Variants in CDK6 observed in about 807,000 individuals in gnomAD.
The protein encoded by CDK6 is cyclin dependent kinase 6, also known as cyclin-dependent kinase 6.
CDK6 carries 6 observed loss-of-function variants against 37.1 expected under a neutral mutation model. The observed-to-expected ratio is 0.16, with a 90% confidence interval of 0.09 to 0.32. The LOEUF is 0.32. CDK6 is among the 10% of genes least tolerant of loss of function. The probability of loss-of-function intolerance (pLI) is 1.00; values close to 1 mark genes in which losing one functional copy is unlikely to be tolerated. For missense variants in CDK6, 224 were observed against 418.9 expected (o/e 0.53, Z 4.06); for synonymous variants, 160 against 161.3 (o/e 0.99, Z 0.06).
chr7:92,714,271 A>C (rs754988154), intron 4 of CDK6, among the ~76,000 whole-genome samples: 19 of 152,320 alleles, frequency 1.2e-4, no homozygotes, highest in East Asian at 1.9e-4. Flanking sequence ...GGAATGGGAA[A>C]GGCAATCTAA....
At chr7:92,667,490 G>A (rs1214901428) in intron 5 of CDK6, among the ~76,000 whole-genome samples, 4 of 151,984 alleles carry the variant, frequency 2.6e-5, no homozygotes, top group Admixed American at 1.3e-4. Context: ...CACTGCATCT[G>A]GCTTGCTTGT....
chr7:92,678,125 C>T (rs2116617836), intron 4 of CDK6, among the ~76,000 whole-genome samples: 1 of 152,116 alleles, frequency 6.6e-6, no homozygotes, highest in East Asian at 1.9e-4. Flanking sequence ...ATCAATTCTA[C>T]CAGAAGTTCT....
chr7:92,737,770 G>C (rs1352459212), intron 3 of CDK6, among the ~76,000 whole-genome samples: 1 of 152,100 alleles, frequency 6.6e-6, no homozygotes, highest in Non-Finnish European at 1.5e-5. Context: ...ATACAGAGAG[G>C]GGGAGAGGAG....
At chr7:92,824,415 G>C (rs1241412584) in intron 2 of CDK6, among the ~76,000 whole-genome samples, 1 of 152,054 alleles carries the variant, frequency 6.6e-6, no homozygotes, top group Non-Finnish European at 1.5e-5. Context: ...GGGTTAATTT[G>C]AATAGTCAAA....
At position 92,605,951 on chromosome 7, in the gene CDK6, C is replaced by T. The variant is rs1795418145; in HGVS notation, c.*9189G>A. Reference sequence around the variant, plus strand: ...CCAACATTCTTATAAGACTGTGTCCCAGGCAGTGAATTTCCACACTGCTTC... The same window carrying T: ...CCAACATTCTTATAAGACTGTGTCCTAGGCAGTGAATTTCCACACTGCTTC... On this transcript the variant is annotated 3_prime_UTR_variant, in exon 8 of 8. Coordinates refer to ENST00000424848, the MANE Select transcript of CDK6 (RefSeq NM_001145306.2). 4.3e-6 allele frequency: 1 copy of T among 233,560 alleles called. No homozygotes were observed. Among genetic ancestry groups the T allele is most frequent in the Non-Finnish European group, 8.5e-6 (1 of 118,030 alleles). The allele number at this position is 233,560 out of a possible 1,614,324, so 14.5% of individuals were successfully genotyped here.
chr7:92,750,895 C>A (rs983556107), intron 3 of CDK6, among the ~76,000 whole-genome samples: 1 of 152,190 alleles, frequency 6.6e-6, no homozygotes, highest in Non-Finnish European at 1.5e-5. Context: ...GAGTTTTCAA[C>A]AGCTAATAAG....
intron 2 of CDK6, among the ~76,000 whole-genome samples, chr7:92,819,978 G>A (rs1801131859): frequency 1.3e-5 from 2 of 151,734 alleles, no homozygotes; most frequent in Admixed American, 6.6e-5. Flanking sequence ...TGATGAAGAA[G>A]CAGCCATTAA....
intron 5 of CDK6, among the ~76,000 whole-genome samples, chr7:92,634,791 G>A (rs1244851397): frequency 6.6e-6 from 1 of 152,018 alleles, no homozygotes; most frequent in African/African-American, 2.4e-5. Context: ...TTTATACTGG[G>A]AATGAGATGG....
chr7:92,701,709 A>C (rs1426656353), intron 4 of CDK6: 1 of 152,408 alleles, frequency 6.6e-6, no homozygotes, highest in African/African-American at 2.4e-5. Context: ...CCAGCCAAAA[A>C]AAATATGGAA....
intron 4 of CDK6, among the ~76,000 whole-genome samples, chr7:92,699,216 T>C (rs1296280996): frequency 6.6e-6 from 1 of 152,160 alleles, no homozygotes; most frequent in African/African-American, 2.4e-5. Flanking sequence ...GCTTTCACAT[T>C]TTAGGATCCC....
intron 5 of CDK6, among the ~76,000 whole-genome samples, chr7:92,625,015 G>C (rs1795893148): frequency 6.6e-6 from 1 of 151,846 alleles, no homozygotes; most frequent in Admixed American, 6.6e-5. Context: ...TTTGGCGATG[G>C]ACTGTCCTGG....
chr7:92,716,154 T>A (rs1317235162), intron 4 of CDK6, among the ~76,000 whole-genome samples: 4 of 152,158 alleles, frequency 2.6e-5, no homozygotes, highest in Admixed American at 2.6e-4. Context: ...ATGCTTATAA[T>A]TGATGATGCA....
At chr7:92,657,370 C>A (rs909826126) in intron 5 of CDK6, among the ~76,000 whole-genome samples, 2 of 152,138 alleles carry the variant, frequency 1.3e-5, no homozygotes, top group Non-Finnish European at 2.9e-5. Context: ...AGTAATGATG[C>A]ATGAGCACTG....
At chr7:92,809,639 T>C (rs904450559) in intron 2 of CDK6, among the ~76,000 whole-genome samples, 1 of 152,216 alleles carries the variant, frequency 6.6e-6, no homozygotes, top group Non-Finnish European at 1.5e-5. Flanking sequence ...GTATATTTAT[T>C]TATAGTCCAG....
intron 4 of CDK6, chr7:92,710,916 A>G (rs1798074140): frequency 1.1e-6 from 1 of 945,586 alleles, no homozygotes; most frequent in African/African-American, 1.8e-5. Context: ...AACATGCTGG[A>G]TGCTTTATTA....
intron 3 of CDK6, among the ~76,000 whole-genome samples, chr7:92,770,320 T>C (rs1034753142): frequency 2.4e-5 from 3 of 123,124 alleles, no homozygotes; most frequent in East Asian, 2.2e-4. Flanking sequence ...CTATGTATGC[T>C]TTTTTTTTTT....
At chr7:92,757,134 A>G (rs144723968) in intron 3 of CDK6, among the ~76,000 whole-genome samples, 13 of 152,338 alleles carry the variant, frequency 8.5e-5, no homozygotes, top group Middle Eastern at 3.4e-3. Flanking sequence ...TTCTGATAAC[A>G]AAGTACTGTA....
intron 5 of CDK6, among the ~76,000 whole-genome samples, chr7:92,654,535 T>C (rs1796646522): frequency 6.6e-6 from 1 of 152,202 alleles, no homozygotes; most frequent in Non-Finnish European, 1.5e-5. Context: ...CTTCTAATAT[T>C]ACTCTTATGT....
chr7:92,827,557 C>T (rs910385113), intron 2 of CDK6, among the ~76,000 whole-genome samples: 1 of 152,126 alleles, frequency 6.6e-6, no homozygotes, highest in Non-Finnish European at 1.5e-5. Context: ...AAGAAAACTA[C>T]CCAGCAGCTC....
Sources: allele counts gnomAD v4.1 joint callset (sites outside exome capture counted in the v4.1 genomes callset), GRCh38; gene constraint gnomAD v4.1.1; transcripts MANE v1.5; gene names NCBI Gene and HGNC (gene_info 2026-07-23, HGNC 2026-07-21).